The following OR2T35 variants were observed in gnomAD, a reference collection of about 807,000 sequenced individuals.
The protein encoded by OR2T35 is olfactory receptor family 2 subfamily T member 35 (gene/pseudogene), also known as olfactory receptor 2T35.
For synonymous variants in OR2T35, 18 were observed against 110.2 expected, an observed-to-expected ratio of 0.16 and a Z score of 5.24; for missense variants, 47 against 278.8, an observed-to-expected ratio of 0.17 and a Z score of 5.92.
Position 248,638,317 on chromosome 1 carries a change from G to T in OR2T35, c.942C>A (p.Ile314=), listed in dbSNP as rs762273334. The part of the protein sequence containing the change: ...VLGRCGSSQS[I]RVATVIRKG ...CCTTCCTGATCACAGTCGCCACCCT[G>T]ATGCTCTGGGAGGAACCACATCTCC... Residue 314 remains isoleucine, a synonymous_variant, in exon 2 of 2, where the codon ATC becomes ATA. Coordinates refer to ENST00000641268, the MANE Select transcript of OR2T35 (RefSeq NM_001001827.2). The T allele has an allele frequency of 1.3e-6, 1 of 791,240 alleles. No homozygotes were observed. The highest frequency in any genetic ancestry group is 2.6e-5 in the East Asian group (1 of 37,954). 49.0% of individuals were successfully genotyped at this position (791,240 alleles called of 1,614,324 possible).
intron 1 of OR2T35, 25 bp downstream of exon 1, chr1:248,645,222 G>A (rs1232195021): frequency 8.0e-6 from 1 of 124,842 alleles, no homozygotes; most frequent in African/African-American, 2.8e-5. Flanking sequence ...ATGAATACAG[G>A]TTTTAATGCT....
rs1239099798 is a variant in OR2T35, at chr1:248,642,091, C to T, written c.-22-2811G>A. Among the ~76,000 whole-genome samples, 28 of 89,706 alleles carry T rather than the reference C, an allele frequency of 3.1e-4. 2 individuals carry two copies. Among genetic ancestry groups the T allele is most frequent in the African/African-American group, 6.4e-4 (23 of 35,704 alleles). The allele number at this position is 89,706 out of a possible 152,430, so 58.9% of individuals were successfully genotyped here. ...GAGTTGATGCTATTTAGCATTACGA[C>T]GTGTGGTTTGACTTATTCACACATA... is the stretch of plus-strand genomic sequence containing the variant. On this transcript the variant is annotated intron_variant, in intron 1 of 1. Coordinates refer to ENST00000641268, the MANE Select transcript of OR2T35 (RefSeq NM_001001827.2).
intron 1 of OR2T35, among the ~76,000 whole-genome samples, chr1:248,641,710 A>AC (rs1400972877): frequency 1.3e-5 from 1 of 76,076 alleles, no homozygotes; most frequent in African/African-American, 3.3e-5. Flanking sequence ...AAAAAAAAAA[A>AC]AAAAGGTTCC....
intron 1 of OR2T35, among the ~76,000 whole-genome samples, 200 bp downstream of exon 1, chr1:248,645,047 C>T: frequency 8.2e-6 from 1 of 121,774 alleles, no homozygotes; most frequent in South Asian, 2.7e-4. Flanking sequence ...TCTACTTTCC[C>T]TCCCATCCCA....
At chr1:248,639,407 C>T (rs1185386709) in intron 1 of OR2T35, 127 bp from the exon 2 acceptor site, 2 of 630,896 alleles carry the variant, frequency 3.2e-6, no homozygotes, top group Admixed American at 2.9e-5. Context: ...ATTTGAAATC[C>T]TGGGTTTCAG....
At chr1:248,641,937 C>T (rs1287043005) in intron 1 of OR2T35, among the ~76,000 whole-genome samples, 1 of 71,302 alleles carries the variant, frequency 1.4e-5, no homozygotes, top group African/African-American at 3.0e-5. Flanking sequence ...TGTTCAAATG[C>T]ATGCCTAATG....
rs1660745503 is a variant in OR2T35 at position 248,638,643 on chromosome 1, TC to T, written c.615del (p.Met206CysfsTer18). ...ATGACAGATAGAGGGATAAGCAGCA[TC>T]AGCACGCAGCAGGCATACATCAGGG... ...YETLMYACCV[L>X]MLLIPLSVIS... On this transcript the variant is annotated frameshift_variant, in exon 2 of 2. Transcript: ENST00000641268. LOFTEE classifies it low-confidence loss of function (END_TRUNC). 6.6e-7 allele frequency: 1 copy of T among 1,525,682 alleles called. No individual in the cohort carries two copies. Among genetic ancestry groups the T allele is most frequent in the Non-Finnish European group, 8.9e-7 (1 of 1,125,208 alleles). The allele number at this position is 1,525,682 out of a possible 1,614,324, so 94.5% of individuals were successfully genotyped here.
chr1:248,641,525 C>CAA (rs1660782305), intron 1 of OR2T35, among the ~76,000 whole-genome samples: 2 of 67,300 alleles, frequency 3.0e-5, no homozygotes, highest in Admixed American at 3.8e-4. Context: ...ACAAGGTATT[C>CAA]AAAGAGGAGG....
chr1:248,639,345 T>C (rs1445755265), intron 1 of OR2T35, 65 bp from the exon 2 acceptor site: 1 of 460,194 alleles, frequency 2.2e-6, no homozygotes, highest in Non-Finnish European at 4.1e-6. Context: ...CCACCAGGAA[T>C]AGTATGTCAG....
intron 1 of OR2T35, among the ~76,000 whole-genome samples, chr1:248,641,795 G>A (rs1192141939): frequency 1.2e-5 from 1 of 84,566 alleles, no homozygotes; most frequent in African/African-American, 2.9e-5. Flanking sequence ...GGTATGTGTG[G>A]TGTGTGCATC....
chr1:248,644,794 TC>T (rs1486409432), intron 1 of OR2T35, among the ~76,000 whole-genome samples: 2 of 140,136 alleles, frequency 1.4e-5, no homozygotes, highest in South Asian at 2.2e-4. Context: ...GAACTCCTTT[TC>T]TTCTTCTACC....
rs1408847939 is a variant in OR2T35 at position 248,636,891 on chromosome 1, GTCAATATTT to G, written c.*1387_*1395del. ...AACAAAGAAAATAAACACCAGGTCC[GTCAATATTT>G]TTTATGTCTCATATTTCAGGACCTT... On this transcript the variant is annotated 3_prime_UTR_variant, in exon 2 of 2. Coordinates refer to ENST00000641268, the MANE Select transcript of OR2T35 (RefSeq NM_001001827.2). 3.8e-5 allele frequency: 1 copy of G among 26,292 alleles called. No individual in the cohort carries two copies. Among genetic ancestry groups the G allele is most frequent in the African/African-American group, 7.3e-5 (1 of 13,636 alleles). 1.6% of individuals were successfully genotyped at this position (26,292 alleles called of 1,614,324 possible). A position where few individuals can be genotyped will look rare whatever the true frequency, so the allele number is the denominator to read the frequency against.
At position 248,641,778 on chromosome 1, in the gene OR2T35, T is replaced by A. The variant is rs1219492507; in HGVS notation, c.-22-2498A>T. 7.2e-5 allele frequency among the ~76,000 whole-genome samples: 6 copies of A among 83,236 alleles called. 2 individuals carry two copies. Among genetic ancestry groups the A allele is most frequent in the Non-Finnish European group, 2.0e-4 (6 of 29,372 alleles). The allele number at this position is 83,236 out of a possible 152,430, so 54.6% of individuals were successfully genotyped here. On this transcript the variant is annotated intron_variant, in intron 1 of 1. Transcript: ENST00000641268. The stretch of plus-strand genomic sequence containing the variant: ...TGTAGTGTGTTCATATGTGAGTGTG[T>A]GAGCATGGTATGTGTGGTGTGTGCA...
chr1:248,639,036 T>C lies in OR2T35; in HGVS notation c.223A>G (p.Ile75Val). The C allele has an allele frequency of 2.0e-6, 1 of 510,298 alleles. No homozygotes were observed. Among genetic ancestry groups the C allele is most frequent in the Non-Finnish European group, 3.4e-6 (1 of 291,322 alleles). 31.6% of individuals were successfully genotyped at this position (510,298 alleles called of 1,614,324 possible). ...AGCATCTTGGGGACAGTGATACAGA[T>C]GTAGATGGTATCCATGATGGAGAGC... The part of the protein sequence containing the change: ...SQLSIMDTIY[I>V]CITVPKMLQD... Residue 75 changes from isoleucine to valine, a missense_variant, in exon 2 of 2, where the codon ATC becomes GTC. Physicochemically the swap from Ile to Val is conservative, Grantham distance 29. Coordinates refer to ENST00000641268, the MANE Select transcript of OR2T35 (RefSeq NM_001001827.2).
At chr1:248,642,091 C>A (rs1239099798) in intron 1 of OR2T35, among the ~76,000 whole-genome samples, 1 of 89,640 alleles carries the variant, frequency 1.1e-5, no homozygotes, top group African/African-American at 2.8e-5. Flanking sequence ...AGCATTACGA[C>A]GTGTGGTTTG....
intron 1 of OR2T35, among the ~76,000 whole-genome samples, chr1:248,644,651 T>G (rs1572109781): frequency 7.1e-6 from 1 of 140,330 alleles, no homozygotes; most frequent in African/African-American, 2.7e-5. Context: ...CAAATGGGAG[T>G]TGTTTCAGTC....
chr1:248,641,817 G>A (rs1330170397), intron 1 of OR2T35, among the ~76,000 whole-genome samples: 4 of 84,234 alleles, frequency 4.7e-5, no homozygotes, highest in African/African-American at 1.1e-4. Flanking sequence ...GTGAGTGGGT[G>A]GGGATATGTG....
At position 248,638,562 on chromosome 1, in the gene OR2T35, C is replaced by G; in HGVS notation, c.697G>C (p.Gly233Arg). Reference sequence around the variant, plus strand: ...CACGTAGCAAAGGCTTTGCGCCGGCCCTCAGCAGAGTTCATCCTGTGGACA... The same window carrying G: ...CACGTAGCAAAGGCTTTGCGCCGGCGCTCAGCAGAGTTCATCCTGTGGACA... ...LTVHRMNSAE[G>R]RRKAFATCSS... Residue 233 changes from glycine to arginine, a missense_variant, in exon 2 of 2, where the codon GGC becomes CGC. Transcript: ENST00000641268. The G allele has an allele frequency of 4.5e-6, 7 of 1,567,324 alleles. 1 individual carries two copies. The highest frequency in any genetic ancestry group is 6.1e-6 in the Non-Finnish European group (7 of 1,152,820).
rs146839367 is a variant in OR2T35 at position 248,641,735 on chromosome 1, G to T, written c.-22-2455C>A. The stretch of plus-strand genomic sequence containing the variant: ...AAAAAGGTTCCTTGTGAGTGTGAGC[G>T]TTGTGCGTACATGTGTGTGTAGTGT... On this transcript the variant is annotated intron_variant, in intron 1 of 1. Coordinates refer to ENST00000641268, the MANE Select transcript of OR2T35 (RefSeq NM_001001827.2). 2.4e-5 allele frequency among the ~76,000 whole-genome samples: 2 copies of T among 81,810 alleles called. 1 individual carries two copies. Among genetic ancestry groups the T allele is most frequent in the Non-Finnish European group, 6.9e-5 (2 of 28,910 alleles). 53.7% of individuals were successfully genotyped at this position (81,810 alleles called of 152,430 possible).
Sources: gnomAD v4.1 joint callset for allele counts (sites outside exome capture counted in the v4.1 genomes callset) on GRCh38, gnomAD v4.1.1 for gene constraint, MANE v1.5 for transcripts, NCBI Gene and HGNC (gene_info 2026-07-23, HGNC 2026-07-21) for gene names.